The following MS4A6A variants were observed in gnomAD, a reference collection of about 807,000 sequenced individuals.
MS4A6A encodes membrane-spanning 4-domains subfamily A member 6A.
Under a neutral mutation model 20.6 loss-of-function variants are expected in MS4A6A, and 19 were observed. The ratio of observed to expected loss-of-function variants is 0.92; its 90% CI spans 0.64 to 1.36. The LOEUF is 1.36. Ranked by LOEUF, MS4A6A falls within the 40% of genes most tolerant of loss-of-function variation. MS4A6A has a pLI of 0.00. For missense variants in MS4A6A, 272 were observed against 261.1 expected, an observed-to-expected ratio of 1.04 and a Z score of -0.29; for synonymous variants, 108 against 105.0, an observed-to-expected ratio of 1.03 and a Z score of -0.17.
chr11:60,173,235 A>G, intron 5 of MS4A6A, 106 bp from the exon 6 acceptor site: 1 of 964,618 alleles, frequency 1.0e-6, no homozygotes, highest in Non-Finnish European at 1.6e-6. Context: ...CCATTAGAGA[A>G]TGAAGAAAGG....
At chr11:60,183,534 C>T (rs945815889), upstream of MS4A6A, among the ~76,000 whole-genome samples, 3 of 152,152 alleles carry the variant, frequency 2.0e-5, no homozygotes, top group African/African-American at 4.8e-5. Context: ...ATAATGACTA[C>T]ACTGCTTTAA....
upstream of MS4A6A, chr11:60,183,260 G>T (rs2083835475): frequency 1.5e-6 from 2 of 1,305,696 alleles, no homozygotes; most frequent in South Asian, 1.3e-5. Flanking sequence ...CCTTATGTGT[G>T]AATTGCCACT....
intron 1 of MS4A6A, among the ~76,000 whole-genome samples, chr11:60,182,029 A>G (rs1487153180): frequency 6.6e-6 from 1 of 152,236 alleles, no homozygotes. Context: ...AAAATTTGCA[A>G]TATGCAACAA....
chr11:60,183,249 G>T, upstream of MS4A6A: 1 of 1,429,012 alleles, frequency 7.0e-7, no homozygotes, highest in Non-Finnish European at 9.5e-7. Context: ...GAGTCATGGA[G>T]CCTTATGTGT....
upstream of MS4A6A, chr11:60,183,950 G>A (rs1405112331): frequency 6.6e-6 from 1 of 152,224 alleles, no homozygotes; most frequent in African/African-American, 2.4e-5. Flanking sequence ...TTCTTTGGAA[G>A]CTGACTTCAA....
intron 5 of MS4A6A, among the ~76,000 whole-genome samples, chr11:60,174,280 G>GT (rs1856725617): frequency 6.7e-6 from 1 of 150,062 alleles, no homozygotes; most frequent in Non-Finnish European, 1.5e-5. Flanking sequence ...GGCTTATCTT[G>GT]TTTTTATGAT....
At chr11:60,181,817 G>A (rs1857152012) in intron 1 of MS4A6A, 76 bp from the exon 2 acceptor site, 6 of 1,436,056 alleles carry the variant, frequency 4.2e-6, no homozygotes, top group Non-Finnish European at 5.8e-6. Context: ...CAGTAACTCA[G>A]TCTTTGCCAA....
chr11:60,174,467 G>C (rs781750104), intron 5 of MS4A6A, among the ~76,000 whole-genome samples: 17 of 151,678 alleles, frequency 1.1e-4, no homozygotes, highest in Non-Finnish European at 4.4e-5. Context: ...CTGGGATTAC[G>C]GCTGCCCGCC....
rs1466307091 is a variant in MS4A6A, at chr11:60,172,699, G to A, written c.*302C>T. The A allele has an allele frequency of 8.3e-7, 1 of 1,203,168 alleles. No homozygotes were observed. Among genetic ancestry groups the A allele is most frequent in the East Asian group, 4.8e-5 (1 of 20,764 alleles). The allele number at this position is 1,203,168 out of a possible 1,614,324, so 74.5% of individuals were successfully genotyped here. A position where few individuals can be genotyped will look rare whatever the true frequency, so the allele number is the denominator to read the frequency against. On this transcript the variant is annotated 3_prime_UTR_variant, in exon 6 of 6. Transcript: ENST00000528851. ...TAAGGGAGGCAAGCCAGGTTCTAGT[G>A]TCCTCAGCAAAGGCACAAACTCATA...
Position 60,175,500 on chromosome 11 carries a change from A to T in MS4A6A, c.451T>A (p.Leu151Met), listed in dbSNP as rs772143334. ...CTTGTTGGTATATTATTTTTGTCCA[A>T]CTCACACTGCAGTGAGGCAGGATTT... ...TLNPASLQCELDKNNIPTRSY... is the reference protein window; with the variant it reads ...TLNPASLQCEMDKNNIPTRSY... Residue 151 changes from leucine to methionine, a missense_variant, in exon 5 of 6, where the codon TTG (leucine) becomes ATG (methionine). By Grantham distance (15) the Leu-to-Met change is conservative. Transcript: ENST00000528851. 1 of 1,614,144 alleles carries T rather than the reference A, an allele frequency of 6.2e-7. No individual in the cohort carries two copies. Among genetic ancestry groups the T allele is most frequent in the Non-Finnish European group, 8.5e-7 (1 of 1,180,000 alleles).
Position 60,181,576 on chromosome 11 carries a change from T to A in MS4A6A, c.147+5A>T, listed in dbSNP as rs759206813. ...CCTCTCCAACACGTTCTGAATTAGA[T>A]TTACCCCAATAACTTTGATTTCTGC... On this transcript the variant is annotated splice_donor_5th_base_variant and intron_variant, in intron 2 of 5. Coordinates refer to ENST00000528851, the MANE Select transcript of MS4A6A (RefSeq NM_022349.4). 8 of 1,613,828 alleles carry A rather than the reference T, an allele frequency of 5.0e-6. No homozygotes were observed. The East Asian group carries it at 1.1e-4, about 22-fold the overall frequency.
downstream of MS4A6A, chr11:60,171,870 G>A (rs1186423125): frequency 8.4e-6 from 2 of 237,476 alleles, no homozygotes; most frequent in Non-Finnish European, 1.7e-5. Context: ...TCTGGGAAAT[G>A]TTTCTGGGAA....
intron 1 of MS4A6A, 50 bp downstream of exon 1, chr11:60,182,928 G>T: frequency 8.4e-7 from 1 of 1,197,488 alleles, no homozygotes; most frequent in Non-Finnish European, 1.1e-6. Context: ...CTCTAATGAG[G>T]TCACGGCAAG....
chr11:60,180,101 T>C (rs1857056437), intron 2 of MS4A6A, 136 bp from the exon 3 acceptor site: 2 of 858,684 alleles, frequency 2.3e-6, no homozygotes, highest in Non-Finnish European at 3.6e-6. Context: ...GTGGAAACTC[T>C]GGAGTGAGAA....
Position 60,172,786 on chromosome 11 carries a change from G to T in MS4A6A, c.*215C>A. On this transcript the variant is annotated 3_prime_UTR_variant, in exon 6 of 6. Coordinates refer to ENST00000528851, the MANE Select transcript of MS4A6A (RefSeq NM_022349.4). The stretch of plus-strand genomic sequence containing the variant: ...CTCATTCCCTTCGCTGACAAAATAG[G>T]AAGATTGAATCAGTTGATTTCTCAT... The T allele has an allele frequency of 7.5e-7, 1 of 1,328,514 alleles. No homozygotes were observed. The highest frequency in any genetic ancestry group is 1.6e-5 in the South Asian group (1 of 63,064). The allele number at this position is 1,328,514 out of a possible 1,614,324, so 82.3% of individuals were successfully genotyped here. A position where few individuals can be genotyped will look rare whatever the true frequency, so the allele number is the denominator to read the frequency against.
At chr11:60,173,168 C>G (rs376351848) in intron 5 of MS4A6A, 39 bp from the exon 6 acceptor site, 7 of 1,580,186 alleles carry the variant, frequency 4.4e-6, no homozygotes, top group Middle Eastern at 3.3e-4. Flanking sequence ...TTGCTTAGGT[C>G]AGCTGAAGCC....
At position 60,175,488 on chromosome 11, in the gene MS4A6A, T is replaced by C. The variant is rs979871328; in HGVS notation, c.463A>G (p.Asn155Asp). Reference sequence around the variant, plus strand: ...GAAACATAACTTCTTGTTGGTATATTATTTTTGTCCAACTCACACTGCAGT... The same window carrying C: ...GAAACATAACTTCTTGTTGGTATATCATTTTTGTCCAACTCACACTGCAGT... ...ASLQCELDKN[N>D]IPTRSYVSYF... The change falls in exon 5 of 6, where the codon AAT becomes GAT. Residue 155 changes from asparagine to aspartate, a missense_variant. By Grantham distance (23) the Asn-to-Asp change is conservative (BLOSUM62 1). Transcript: ENST00000528851. 1 of 1,614,158 alleles carries C rather than the reference T, an allele frequency of 6.2e-7. No individual in the cohort carries two copies. Among genetic ancestry groups the C allele is most frequent in the Admixed American group, 1.7e-5 (1 of 60,024 alleles).
In MS4A6A at chr11:60,181,699, G is replaced by A. The variant is rs1249771324; in HGVS notation, c.29C>T (p.Thr10Ile). The A allele has an allele frequency of 5.6e-6, 9 of 1,613,908 alleles. No individual in the cohort carries two copies. Among genetic ancestry groups the A allele is most frequent in the Non-Finnish European group, 7.6e-6 (9 of 1,179,956 alleles). The change falls in exon 2 of 6, where the codon ACC becomes ATC. Residue 10 changes from threonine to isoleucine, a missense_variant. Coordinates refer to ENST00000528851, the MANE Select transcript of MS4A6A (RefSeq NM_022349.4). MTSQPVPNETIIVLPSNVIN... is the reference protein window; with the variant it reads MTSQPVPNEIIIVLPSNVIN... The stretch of plus-strand genomic sequence containing the variant: ...GACATTTGATGGGAGCACTATGATG[G>A]TCTCATTGGGAACAGGTTGTGATGT...
chr11:60,172,990 A>G lies in MS4A6A; in HGVS notation c.*11T>C. On this transcript the variant is annotated 3_prime_UTR_variant, in exon 6 of 6. Transcript: ENST00000528851. ...TCAACACAGTGCAGGGATAAGATAC[A>G]CTAGGCAAGGTTAAGTGAAGCCGGC... The G allele has an allele frequency of 6.2e-7, 1 of 1,613,866 alleles. No individual in the cohort carries two copies. The highest frequency in any genetic ancestry group is 1.7e-5 in the Admixed American group (1 of 60,012).
Sources: gnomAD v4.1 joint callset for allele counts (sites outside exome capture counted in the v4.1 genomes callset) on GRCh38, gnomAD v4.1.1 for gene constraint, MANE v1.5 for transcripts, NCBI Gene and HGNC (gene_info 2026-07-23, HGNC 2026-07-21) for gene names.